The following PRKAR1A variants were observed in gnomAD, a reference collection of about 807,000 sequenced individuals.
The protein encoded by PRKAR1A is cAMP-dependent protein kinase type I-alpha regulatory subunit.
In PRKAR1A, 3 loss-of-function variants were observed where a neutral mutation model predicts 52.0. The observed-to-expected ratio is 0.06, with a 90% CI of 0.03 to 0.15. The LOEUF (loss-of-function observed/expected upper bound fraction) is 0.15. Ranked by LOEUF, PRKAR1A falls within the 10% of genes least tolerant of loss-of-function variation. The pLI is 1.00. For missense variants in PRKAR1A, 240 were observed against 477.4 expected, an observed-to-expected ratio of 0.50 and a Z score of 4.63; for synonymous variants, 188 against 168.4, an observed-to-expected ratio of 1.12 and a Z score of -0.90.
chr17:68,444,022 C>T, the PRKAR1A span, among the ~76,000 whole-genome samples: 8 of 152,288 alleles, frequency 5.3e-5, no homozygotes, highest in African/African-American at 1.4e-4. Context: ...AGCATATCGT[C>T]GAAGTAGAGA....
intron 11 of PRKAR1A, chr17:68,542,272 A>G: frequency 8.3e-7 from 1 of 1,207,324 alleles, no homozygotes; most frequent in Non-Finnish European, 1.2e-6. Context: ...CTGAACTCAC[A>G]GCTCGGGAAG....
rs191923933 is a variant in PRKAR1A, at chr17:68,520,947, T to C, written c.178-1809T>C. On this transcript the variant is annotated intron_variant, in intron 2 of 10. Coordinates refer to ENST00000589228, the MANE Select transcript of PRKAR1A (RefSeq NM_002734.5). ...CTGTGTGTGTGTTTTATTTTATTTTTATTATTATTTTTTTGAGACAGTCTT... is the reference window on the plus strand; with the variant it reads ...CTGTGTGTGTGTTTTATTTTATTTTCATTATTATTTTTTTGAGACAGTCTT... Among the ~76,000 whole-genome samples, 28 of 152,294 alleles carry C rather than the reference T, an allele frequency of 1.8e-4. No homozygotes were observed. The East Asian group carries it at 4.4e-3, about 24-fold the overall frequency.
chr17:68,466,344 G>A, the PRKAR1A span, among the ~76,000 whole-genome samples: 1 of 150,592 alleles, frequency 6.6e-6, no homozygotes, highest in African/African-American at 2.4e-5. Flanking sequence ...CAACACTGAA[G>A]TGTTTCTTCC....
the PRKAR1A span, among the ~76,000 whole-genome samples, chr17:68,419,915 C>T: frequency 2.6e-5 from 4 of 151,962 alleles, no homozygotes; most frequent in East Asian, 1.9e-4. Context: ...GCTAGGATCA[C>T]GCTACTGCAT....
chr17:68,465,751 G>A, the PRKAR1A span, among the ~76,000 whole-genome samples: 5 of 150,220 alleles, frequency 3.3e-5, no homozygotes, highest in Admixed American at 1.3e-4. Flanking sequence ...TTACAGGCAT[G>A]AGCCATCGCG....
chr17:68,515,427 G>A lies in PRKAR1A; in HGVS notation c.28G>A (p.Glu10Lys), dbSNP rs1467886544. The change falls in exon 2 of 11, where the codon GAG (glutamate) becomes AAG (lysine). Residue 10 changes from glutamate (E) to lysine (K), a missense_variant. Glu to Lys is a moderately conservative substitution (Grantham distance 56). Coordinates refer to ENST00000589228, the MANE Select transcript of PRKAR1A (RefSeq NM_002734.5). ...GGAGTCTGGCAGTACCGCCGCCAGT[G>A]AGGAGGCACGCAGCCTTCGAGAATG... MESGSTAAS[E>K]EARSLRECEL... 3.7e-6 allele frequency: 6 copies of A among 1,613,482 alleles called. No homozygotes were observed. The highest frequency in any genetic ancestry group is 5.1e-6 in the Non-Finnish European group (6 of 1,180,036).
the PRKAR1A span, among the ~76,000 whole-genome samples, chr17:68,469,603 CT>C: frequency 7.1e-4 from 105 of 147,036 alleles, no homozygotes; most frequent in African/African-American, 1.7e-3. Flanking sequence ...CATGAATGTC[CT>C]TTTTTTTTTT....
chr17:68,520,564 A>G (rs577557901), intron 2 of PRKAR1A, among the ~76,000 whole-genome samples: 2 of 152,334 alleles, frequency 1.3e-5, no homozygotes, highest in Admixed American at 1.3e-4. Flanking sequence ...TAGGTTATTC[A>G]TCACCTCACT....
chr17:68,443,923 A>G, the PRKAR1A span, among the ~76,000 whole-genome samples: 1 of 152,238 alleles, frequency 6.6e-6, no homozygotes, highest in African/African-American at 2.4e-5. Context: ...CTATTTCAAT[A>G]TAACAAATCC....
chr17:68,420,108 A>G, the PRKAR1A span: 2 of 1,490,692 alleles, frequency 1.3e-6, no homozygotes, highest in Non-Finnish European at 1.8e-6. Flanking sequence ...GAATTAATGT[A>G]GAATCACTCG....
the PRKAR1A span, among the ~76,000 whole-genome samples, chr17:68,449,809 G>A: frequency 6.6e-6 from 1 of 152,224 alleles, no homozygotes; most frequent in Non-Finnish European, 1.5e-5. Flanking sequence ...GTTCTTTAGA[G>A]TAATGTGAGA....
chr17:68,535,305 C>T (rs1222743475), downstream of PRKAR1A: 2 of 453,952 alleles, frequency 4.4e-6, no homozygotes, highest in African/African-American at 4.0e-5. Flanking sequence ...TACCACATAT[C>T]ATGGTGAAAT....
At chr17:68,541,700 T>C (rs2086303552) in intron 11 of PRKAR1A, 2 of 349,902 alleles carry the variant, frequency 5.7e-6, no homozygotes, top group South Asian at 4.8e-5. Flanking sequence ...ACATGTCTGT[T>C]CTCCCCACTA....
intron 9 of PRKAR1A, among the ~76,000 whole-genome samples, chr17:68,529,312 A>C (rs1215889150): frequency 6.6e-6 from 1 of 152,198 alleles, no homozygotes; most frequent in African/African-American, 2.4e-5. Context: ...TTAAAATGCA[A>C]GTGTTTGGGC....
At chr17:68,454,889 AGTGATGTTTTAT>A in the PRKAR1A span, among the ~76,000 whole-genome samples, 37,554 of 151,948 alleles carry the variant, frequency 0.25, 4,926 homozygotes, top group Non-Finnish European at 0.28. Flanking sequence ...AAAATCACAG[AGTGATGTTTTAT>A]GTGATGTTTT....
chr17:68,478,059 C>A, the PRKAR1A span, among the ~76,000 whole-genome samples: 1 of 152,226 alleles, frequency 6.6e-6, no homozygotes, highest in South Asian at 2.1e-4. Flanking sequence ...ACAAACTGTA[C>A]TTGAGACACA....
the PRKAR1A span, chr17:68,426,250 G>GGGGGGGT: frequency 1.1e-5 from 9 of 828,050 alleles, 2 homozygotes; most frequent in East Asian, 3.4e-5. Context: ...GGTGGGGAGC[G>GGGGGGGT]GGGGCTCAAA....
rs557283263 is a variant in PRKAR1A at position 68,531,834 on chromosome 17, A to T, written c.*1385A>T. On this transcript the variant is annotated 3_prime_UTR_variant, in exon 11 of 11. Transcript: ENST00000589228. ...TTTATTTTTATTATTTTTTTAAACA[A>T]AATTTCACAGTTCTGTAATGTAGGC... The T allele has an allele frequency of 9.7e-7, 1 of 1,034,476 alleles. No homozygotes were observed. The highest frequency in any genetic ancestry group is 1.7e-5 in the African/African-American group (1 of 60,446). The allele number at this position is 1,034,476 out of a possible 1,614,324, so 64.1% of individuals were successfully genotyped here.
rs2085968011 is a variant in PRKAR1A at position 68,531,286 on chromosome 17, T to G, written c.*837T>G. The G allele has an allele frequency of 9.4e-7, 1 of 1,066,194 alleles. No individual in the cohort carries two copies. Among genetic ancestry groups the G allele is most frequent in the Admixed American group, 5.3e-5 (1 of 18,762 alleles). 66.0% of individuals were successfully genotyped at this position (1,066,194 alleles called of 1,614,324 possible). A position where few individuals can be genotyped will look rare whatever the true frequency, so the allele number is the denominator to read the frequency against. Reference sequence around the variant, plus strand: ...AGATGCTGAATTGAGAATAAGAATTTGAGGTCTACATTCTTGGTTGTTAAT... The same window carrying G: ...AGATGCTGAATTGAGAATAAGAATTGGAGGTCTACATTCTTGGTTGTTAAT... On this transcript the variant is annotated 3_prime_UTR_variant, in exon 11 of 11. Coordinates refer to ENST00000589228, the MANE Select transcript of PRKAR1A (RefSeq NM_002734.5).
Sources: gnomAD v4.1 joint callset for allele counts (sites outside exome capture counted in the v4.1 genomes callset) on GRCh38, gnomAD v4.1.1 for gene constraint, MANE v1.5 for transcripts, NCBI Gene and HGNC (gene_info 2026-07-23, HGNC 2026-07-21) for gene names.